Variants in SCYL2 observed in about 807,000 individuals in gnomAD.
The protein encoded by SCYL2 is SCY1 like pseudokinase 2.
A neutral mutation model predicts 100.4 loss-of-function variants in SCYL2; 36 were observed. The ratio of observed to expected loss-of-function variants is 0.36; its 90% CI spans 0.27 to 0.47. SCYL2 has a LOEUF of 0.47. Among genes scored for constraint, SCYL2 ranks in the 20% least tolerant of loss-of-function variants. SCYL2 has a pLI of 1.00. For missense variants in SCYL2, 902 were observed against 1,083.9 expected (o/e 0.83, Z 2.36); for synonymous variants, 330 against 359.2 (o/e 0.92, Z 0.92).
At chr12:100,284,362 C>CT (rs1018073444) in intron 2 of SCYL2, among the ~76,000 whole-genome samples, 128 of 152,244 alleles carry the variant, frequency 8.4e-4, no homozygotes, top group Non-Finnish European at 1.5e-3. Context: ...CTACATTGCA[C>CT]TTTTTTTCTG....
chr12:100,280,457 A>G (rs10860572), intron 1 of SCYL2, among the ~76,000 whole-genome samples: 22,595 of 152,142 alleles, frequency 0.15, 1,897 homozygotes, highest in Non-Finnish European at 0.18. Context: ...AAAACTGTCT[A>G]TGCCCATGTA....
Position 100,337,432 on chromosome 12 carries a change from G to A in SCYL2, c.2071G>A (p.Glu691Lys). 1 of 1,610,018 alleles carries A rather than the reference G, an allele frequency of 6.2e-7. No individual in the cohort carries two copies. The highest frequency in any genetic ancestry group is 2.2e-5 in the East Asian group (1 of 44,834). The change falls in exon 17 of 18, where the codon GAG (glutamate) becomes AAG (lysine). Residue 691 changes from glutamate to lysine, a missense_variant. By Grantham distance (56) the Glu-to-Lys change is moderately conservative (BLOSUM62 1). Transcript: ENST00000360820. The part of the protein sequence containing the change: ...EEKQKLAKEQ[E>K]QAQKLKSQQP... ...AAAACAAAAATTAGCAAAAGAACAA[G>A]AGCAGGCACAGAAGCTGAAAAGCCA...
intron 10 of SCYL2, among the ~76,000 whole-genome samples, chr12:100,318,516 G>C (rs746965498): frequency 6.6e-6 from 1 of 151,996 alleles, no homozygotes; most frequent in African/African-American, 2.4e-5. Flanking sequence ...ATTTTTAGTA[G>C]AGACAGGGTT....
intron 4 of SCYL2, among the ~76,000 whole-genome samples, chr12:100,304,317 C>T (rs1331634556): frequency 2.6e-5 from 4 of 151,832 alleles, no homozygotes; most frequent in Admixed American, 6.6e-5. Flanking sequence ...AAAAAAAAAA[C>T]TGCAGCCAGC....
In SCYL2 at chr12:100,276,808, TTC is replaced by T. The variant is rs1391936344; in HGVS notation, c.-28-6131_-28-6130del. ...TCCTCCTCTTCTACTTATTTTAATT[TTC>T]TCTTTTTCTAGCTTCCTAAGGTGGA... On this transcript the variant is annotated intron_variant, in intron 1 of 17. Coordinates refer to ENST00000360820, the MANE Select transcript of SCYL2 (RefSeq NM_017988.6). Among the ~76,000 whole-genome samples, 6 of 152,226 alleles carry T rather than the reference TTC, an allele frequency of 3.9e-5. No homozygotes were observed. In the South Asian group the frequency reaches 1.0e-3, roughly 26 times the overall value.
chr12:100,327,678 T>G (rs1404076710), intron 12 of SCYL2, among the ~76,000 whole-genome samples: 1 of 152,066 alleles, frequency 6.6e-6, no homozygotes, highest in Non-Finnish European at 1.5e-5. Context: ...CACGCATGGC[T>G]AATTTTTTTG....
At chr12:100,313,223 C>T (rs920465169) in intron 6 of SCYL2, among the ~76,000 whole-genome samples, 199 bp from the exon 7 acceptor site, 13 of 152,158 alleles carry the variant, frequency 8.5e-5, no homozygotes, top group South Asian at 8.3e-4. Flanking sequence ...AATACTGGAA[C>T]ATTTTACTGT....
chr12:100,306,146 C>A (rs988992994), intron 4 of SCYL2, among the ~76,000 whole-genome samples: 14 of 152,166 alleles, frequency 9.2e-5, no homozygotes, highest in Non-Finnish European at 1.6e-4. Context: ...CTCCCTAACT[C>A]ATTTTATGAG....
chr12:100,294,999 A>C (rs1010049205), intron 3 of SCYL2, among the ~76,000 whole-genome samples: 1 of 144,138 alleles, frequency 6.9e-6, no homozygotes, highest in Non-Finnish European at 1.5e-5. Context: ...CCGGGCAGAG[A>C]CGCTCCTCAC....
At chr12:100,313,392 C>T (rs2096344556) in intron 6 of SCYL2, 30 bp from the exon 7 acceptor site, 2 of 994,144 alleles carry the variant, frequency 2.0e-6, no homozygotes, top group Non-Finnish European at 1.5e-6. Flanking sequence ...ATATTTTATA[C>T]TCATTTAATG....
chr12:100,308,474 C>G (rs1005436201), intron 4 of SCYL2, among the ~76,000 whole-genome samples: 8 of 152,138 alleles, frequency 5.3e-5, no homozygotes, highest in Admixed American at 4.6e-4. Context: ...GCATCACACA[C>G]TGGGGCCTGT....
At chr12:100,319,381 T>A (rs1566365591) in intron 10 of SCYL2, 4 of 393,024 alleles carry the variant, frequency 1.0e-5, no homozygotes, top group Non-Finnish European at 2.0e-5. Flanking sequence ...CAAACTTGTT[T>A]TATATTTAGT....
chr12:100,335,925 C>T lies in SCYL2; in HGVS notation c.2025+19C>T, dbSNP rs767901452. On this transcript the variant is annotated intron_variant, in intron 16 of 17. Coordinates refer to ENST00000360820, the MANE Select transcript of SCYL2 (RefSeq NM_017988.6). ...TAAAAGAGTGAGTTTCCTTACTGTTCTTTCAGCCCTCTTATTTTATGCTGT... is the reference window on the plus strand; with the variant it reads ...TAAAAGAGTGAGTTTCCTTACTGTTTTTTCAGCCCTCTTATTTTATGCTGT... 1.3e-6 allele frequency: 2 copies of T among 1,570,406 alleles called. No individual in the cohort carries two copies. The highest frequency in any genetic ancestry group is 1.8e-6 in the Non-Finnish European group (2 of 1,141,612).
At chr12:100,284,185 CTG>C (rs1213305045) in intron 2 of SCYL2, among the ~76,000 whole-genome samples, 3 of 152,162 alleles carry the variant, frequency 2.0e-5, no homozygotes, top group Non-Finnish European at 4.4e-5. Context: ...AATAGCATCT[CTG>C]TGCGTAACTA....
chr12:100,326,203 G>A (rs1433496885), intron 11 of SCYL2, among the ~76,000 whole-genome samples: 1 of 152,100 alleles, frequency 6.6e-6, no homozygotes. Flanking sequence ...GTTTAAAAAT[G>A]AATTGAACCC....
chr12:100,313,738 A>G (rs1441475857), intron 7 of SCYL2, among the ~76,000 whole-genome samples, 200 bp downstream of exon 7: 2 of 152,234 alleles, frequency 1.3e-5, no homozygotes, highest in African/African-American at 4.8e-5. Flanking sequence ...GCTTAATCTT[A>G]CACAGCTAAA....
chr12:100,330,680 TG>T (rs1201371068), intron 13 of SCYL2, among the ~76,000 whole-genome samples: 1 of 152,136 alleles, frequency 6.6e-6, no homozygotes, highest in East Asian at 1.9e-4. Flanking sequence ...AGCAGAAAGC[TG>T]GAAGTTGAGA....
At chr12:100,334,039 T>C (rs1284189781) in intron 13 of SCYL2, 127 bp from the exon 14 acceptor site, 6 of 593,186 alleles carry the variant, frequency 1.0e-5, no homozygotes, top group Non-Finnish European at 1.8e-5. Flanking sequence ...ATATCAGCGC[T>C]GTGACTGGAT....
chr12:100,337,368 T>G lies in SCYL2; in HGVS notation c.2026-19T>G. On this transcript the variant is annotated intron_variant, in intron 16 of 17. Coordinates refer to ENST00000360820, the MANE Select transcript of SCYL2 (RefSeq NM_017988.6). ...CTTAATAAATTGCCGGTTGATTTTT[T>G]GCTTTATTTTGTTTTAAGGCATCAC... The G allele has an allele frequency of 1.3e-6, 2 of 1,598,418 alleles. No homozygotes were observed.
Sources: gnomAD v4.1 joint callset for allele counts (sites outside exome capture counted in the v4.1 genomes callset) on GRCh38, gnomAD v4.1.1 for gene constraint, MANE v1.5 for transcripts, NCBI Gene and HGNC (gene_info 2026-07-23, HGNC 2026-07-21) for gene names.